Variants in FAM120B observed in about 807,000 individuals in gnomAD.
FAM120B encodes family with sequence similarity 120 member B, also known as constitutive coactivator of peroxisome proliferator-activated receptor gamma.
In FAM120B, 83 loss-of-function variants were observed where a neutral mutation model predicts 96.3. The observed-to-expected ratio is 0.86, with a 90% CI of 0.72 to 1.03. The LOEUF is 1.03. FAM120B is among the 50% of genes least tolerant of loss of function. FAM120B has a pLI of 0.00. For synonymous variants in FAM120B, 407 were observed against 402.7 expected (o/e 1.01, Z -0.13); for missense variants, 1,027 against 1,121.2 (o/e 0.92, Z 1.20).
intron 4 of FAM120B, among the ~76,000 whole-genome samples, chr6:170,339,554 C>T (rs1034451612): frequency 5.9e-5 from 9 of 151,636 alleles, no homozygotes; most frequent in Non-Finnish European, 7.4e-5. Flanking sequence ...TTTGGGAGGC[C>T]GGATCATGAA....
chr6:170,323,780 A>C (rs1218355668), intron 3 of FAM120B, among the ~76,000 whole-genome samples: 2 of 152,152 alleles, frequency 1.3e-5, no homozygotes, highest in Non-Finnish European at 1.5e-5. Flanking sequence ...AAGAGTAGAG[A>C]GCGGACCATC....
intron 9 of FAM120B, among the ~76,000 whole-genome samples, chr6:170,398,923 C>G (rs61593970): frequency 7.4e-5 from 11 of 149,026 alleles, no homozygotes; most frequent in African/African-American, 2.6e-4. Context: ...TATGTCATAA[C>G]CCTTAGGAGT....
chr6:170,344,981 A>G (rs1451614309), intron 4 of FAM120B, among the ~76,000 whole-genome samples: 1 of 152,054 alleles, frequency 6.6e-6, no homozygotes, highest in Non-Finnish European at 1.5e-5. Context: ...CCTCTGCCCT[A>G]CGCTTTGTAG....
At chr6:170,338,707 T>TA (rs1418828786) in intron 4 of FAM120B, among the ~76,000 whole-genome samples, 1 of 152,208 alleles carries the variant, frequency 6.6e-6, no homozygotes, top group African/African-American at 2.4e-5. Context: ...GGTGATCCTG[T>TA]ATTGGGTGCA....
chr6:170,393,970 C>G (rs1456579754), intron 8 of FAM120B, among the ~76,000 whole-genome samples: 1 of 152,184 alleles, frequency 6.6e-6, no homozygotes, highest in African/African-American at 2.4e-5. Context: ...CACAACTGCT[C>G]CAAGCTTGGA....
chr6:170,310,938 T>G (rs1249617940), intron 1 of FAM120B, among the ~76,000 whole-genome samples: 2 of 152,176 alleles, frequency 1.3e-5, no homozygotes. Context: ...TGAATGAGTA[T>G]TTATGAGTGA....
At chr6:170,392,592 T>C (rs1036588059) in intron 8 of FAM120B, among the ~76,000 whole-genome samples, 1 of 152,258 alleles carries the variant, frequency 6.6e-6, no homozygotes, top group African/African-American at 2.4e-5. Flanking sequence ...CTCCTTCAGT[T>C]CATGTTTACA....
chr6:170,318,477 C>G lies in FAM120B; in HGVS notation c.1087C>G (p.Arg363Gly), dbSNP rs141136134. Residue 363 changes from arginine to glycine, a missense_variant, in exon 2 of 11, where the codon CGA becomes GGA. Coordinates refer to ENST00000476287, the MANE Select transcript of FAM120B (RefSeq NM_032448.3). Reference sequence around the variant, plus strand: ...CATGTGTACAGGCCCTGAATCCAGGCGAGAAGTTCCCGTGTATACAGATTC... The same window carrying G: ...CATGTGTACAGGCCCTGAATCCAGGGGAGAAGTTCCCGTGTATACAGATTC... ...VPMCTGPESRREVPVYTDSEP... is the reference protein window; with the variant it reads ...VPMCTGPESRGEVPVYTDSEP... The G allele has an allele frequency of 1.9e-6, 3 of 1,589,334 alleles. No homozygotes were observed. The highest frequency in any genetic ancestry group is 2.4e-5 in the East Asian group (1 of 42,126).
chr6:170,317,440 T>C lies in FAM120B; in HGVS notation c.50T>C (p.Ile17Thr). ...QGFVGSTCPH[I>T]CTVVNFKELA... is the part of the protein sequence containing the mutation. The stretch of plus-strand genomic sequence containing the variant: ...TTTGTGGGAAGTACCTGCCCACATA[T>C]ATGTACAGTAGTAAATTTCAAAGAA... The change falls in exon 2 of 11, where the codon ATA becomes ACA. Residue 17 changes from isoleucine (I) to threonine (T), a missense_variant. Physicochemically the swap from Ile to Thr is moderately conservative, Grantham distance 89. Coordinates refer to ENST00000476287, the MANE Select transcript of FAM120B (RefSeq NM_032448.3). 1 of 1,614,174 alleles carries C rather than the reference T, an allele frequency of 6.2e-7. No individual in the cohort carries two copies. The highest frequency in any genetic ancestry group is 8.5e-7 in the Non-Finnish European group (1 of 1,179,998).
At chr6:170,301,236 A>G (rs1784134686) in intron 1 of FAM120B, among the ~76,000 whole-genome samples, 1 of 152,224 alleles carries the variant, frequency 6.6e-6, no homozygotes, top group Non-Finnish European at 1.5e-5. Flanking sequence ...CCAATACCAC[A>G]TGGAATCTGC....
chr6:170,321,081 C>G (rs1053834360), intron 2 of FAM120B, among the ~76,000 whole-genome samples: 1 of 152,182 alleles, frequency 6.6e-6, no homozygotes, highest in Non-Finnish European at 1.5e-5. Context: ...AGAGTCCTCA[C>G]AGGAAGGGAG....
intron 5 of FAM120B, among the ~76,000 whole-genome samples, chr6:170,352,771 C>G (rs1787662146): frequency 6.6e-6 from 1 of 152,110 alleles, no homozygotes; most frequent in African/African-American, 2.4e-5. Flanking sequence ...AAATTTATAG[C>G]ACTAAATGCT....
chr6:170,365,486 G>A (rs75616062), intron 6 of FAM120B, among the ~76,000 whole-genome samples: 117 of 152,300 alleles, frequency 7.7e-4, no homozygotes, highest in Non-Finnish European at 1.2e-3. Context: ...CTCAAATAAT[G>A]TCCACCTGAA....
Position 170,317,620 on chromosome 6 carries a change from CT to C in FAM120B, c.234del (p.Phe78LeufsTer8). 1 of 1,614,190 alleles carries C rather than the reference CT, an allele frequency of 6.2e-7. No homozygotes were observed. The highest frequency in any genetic ancestry group is 1.1e-5 in the South Asian group (1 of 91,082). The part of the protein sequence containing the change: ...YFSALRDFVK[T>X]FTAAGIKLIF... Reference sequence around the variant, plus strand: ...TCTGCTTTGCGAGATTTTGTTAAAACTTTTACGGCAGCTGGGATCAAGTTGA... The same window carrying C: ...TCTGCTTTGCGAGATTTTGTTAAAACTTTACGGCAGCTGGGATCAAGTTGA... On this transcript the variant is annotated frameshift_variant, in exon 2 of 11. Coordinates refer to ENST00000476287, the MANE Select transcript of FAM120B (RefSeq NM_032448.3). LOFTEE classifies it high-confidence loss of function.
chr6:170,400,409 A>T (rs534839678), intron 9 of FAM120B, among the ~76,000 whole-genome samples: 2 of 152,248 alleles, frequency 1.3e-5, no homozygotes, highest in Admixed American at 6.5e-5. Context: ...CTCCTCTGGG[A>T]ATGATAAGAG....
upstream of FAM120B, among the ~76,000 whole-genome samples, chr6:170,293,244 A>C (rs1783924993): frequency 6.6e-6 from 1 of 152,102 alleles, no homozygotes; most frequent in Non-Finnish European, 1.5e-5. Flanking sequence ...AAAGAAGAGA[A>C]TGCGAGGTCA....
At chr6:170,355,368 A>T (rs969252865) in intron 5 of FAM120B, among the ~76,000 whole-genome samples, 1 of 152,248 alleles carries the variant, frequency 6.6e-6, no homozygotes, top group Non-Finnish European at 1.5e-5. Context: ...CATATACACC[A>T]TGGAATACTA....
rs191007127 is a variant in FAM120B, at chr6:170,301,206, T to C, written c.48+5753T>C. ...GGAGGTTCCCAAACCTCTGTTCTTG[T>C]CTTTGGCGCACCAGCAGGACCAATA... is the stretch of plus-strand genomic sequence containing the variant. On this transcript the variant is annotated intron_variant, in intron 1 of 10. Transcript: ENST00000537664. 1.4e-3 allele frequency among the ~76,000 whole-genome samples: 210 copies of C among 152,346 alleles called. 1 individual carries two copies. The highest frequency in any genetic ancestry group is 4.8e-3 in the African/African-American group (198 of 41,584).
Position 170,391,087 on chromosome 6 carries a change from C to G in FAM120B, c.2565C>G (p.Ile855Met). Reference protein sequence around the residue: ...CKACMKENRRITGRAHWGSHH... With the variant: ...CKACMKENRRMTGRAHWGSHH... ...CCTGCATGAAGGAGAACAGACGCAT[C>G]ACTGGCCGAGCCCACTGGGGCTCAC... The change falls in exon 8 of 11, where the codon ATC becomes ATG. Residue 855 changes from isoleucine (I) to methionine (M), a missense_variant. This residue lies in a region of FAM120B where 142 missense variants were observed against 122.5 expected (regional missense o/e 1.16). Coordinates refer to ENST00000476287, the MANE Select transcript of FAM120B (RefSeq NM_032448.3). The G allele has an allele frequency of 6.2e-7, 1 of 1,614,206 alleles. No homozygotes were observed. The highest frequency in any genetic ancestry group is 2.2e-5 in the East Asian group (1 of 44,884).
Sources: gnomAD v4.1 joint callset for allele counts (sites outside exome capture counted in the v4.1 genomes callset) on GRCh38, gnomAD v4.1.1 for gene constraint, gnomAD v4.1.1 regional missense constraint, MANE v1.5 for transcripts, NCBI Gene and HGNC (gene_info 2026-07-23, HGNC 2026-07-21) for gene names.